RAP1GAP2: variants seen among roughly 807,000 people sequenced by gnomAD.
The protein encoded by RAP1GAP2 is rap1 GTPase-activating protein 2.
Under a neutral mutation model 95.0 loss-of-function variants are expected in RAP1GAP2, and 27 were observed. That is an observed-to-expected ratio of 0.28 (90% CI 0.21 to 0.39). The LOEUF (loss-of-function observed/expected upper bound fraction) is 0.39, where lower values mean the gene tolerates loss of function less well. Among genes scored for constraint, RAP1GAP2 ranks in the 10% least tolerant of loss-of-function variants. RAP1GAP2 has a pLI of 1.00. For synonymous variants in RAP1GAP2, 373 were observed against 380.9 expected (o/e 0.98, Z 0.24); for missense variants, 771 against 970.0 (o/e 0.79, Z 2.72).
chr17:2,999,308 T>C (rs1368154095), intron 14 of RAP1GAP2, among the ~76,000 whole-genome samples: 3 of 152,102 alleles, frequency 2.0e-5, no homozygotes, highest in African/African-American at 7.2e-5. Context: ...CTCAAGGGCG[T>C]TGGACTGAGG....
chr17:3,026,938 C>A lies in RAP1GAP2; in HGVS notation c.1981-6C>A. ...CTGGCCTCGCTCACCCTGCCTCTCT[C>A]CTCAGGGCAGCCAGCCGTCCACGAC... On this transcript the variant is annotated splice_region_variant and splice_polypyrimidine_tract_variant and intron_variant, in intron 21 of 24. Coordinates refer to ENST00000254695, the MANE Select transcript of RAP1GAP2 (RefSeq NM_015085.5). 1 of 1,550,790 alleles carries A rather than the reference C, an allele frequency of 6.4e-7. No homozygotes were observed.
intron 17 of RAP1GAP2, among the ~76,000 whole-genome samples, chr17:3,016,449 T>C (rs748180939): frequency 3.5e-4 from 54 of 152,224 alleles, no homozygotes; most frequent in Non-Finnish European, 2.5e-4. Context: ...GAACAACAGA[T>C]AATATTCGTG....
chr17:2,866,583 T>C lies in RAP1GAP2; in HGVS notation c.81-38701T>C, dbSNP rs148068810. ...CCCAAATGTCCCTTCTGATTGGTAA[T>C]TTATTTTATTTATTTATTTTATTTT... On this transcript the variant is annotated intron_variant, in intron 2 of 24. Coordinates refer to ENST00000254695, the MANE Select transcript of RAP1GAP2 (RefSeq NM_015085.5). The surrounding 1 kb of genome is among the most constrained non-coding windows in gnomAD (Gnocchi z 4.0). Among the ~76,000 whole-genome samples the C allele has an allele frequency of 9.8e-3, 1,486 of 152,262 alleles. 23 individuals carry two copies. Among genetic ancestry groups the C allele is most frequent in the African/African-American group, 0.033 (1,367 of 41,564 alleles).
intron 2 of RAP1GAP2, among the ~76,000 whole-genome samples, chr17:2,831,647 G>C (rs767735599): frequency 6.6e-6 from 1 of 151,578 alleles, no homozygotes; most frequent in Non-Finnish European, 1.5e-5. Flanking sequence ...TCCCAGGACC[G>C]TAGGAGGCCA....
intron 1 of RAP1GAP2, among the ~76,000 whole-genome samples, chr17:2,756,336 G>A (rs1204008597): frequency 6.6e-6 from 1 of 152,242 alleles, no homozygotes; most frequent in Non-Finnish European, 1.5e-5. Flanking sequence ...CGTGTAGCGG[G>A]GCAGTCGCCC....
chr17:2,763,536 A>C (rs2068223199), intron 1 of RAP1GAP2, among the ~76,000 whole-genome samples: 1 of 151,962 alleles, frequency 6.6e-6, no homozygotes, highest in Non-Finnish European at 1.5e-5. Context: ...TCTCTACTAA[A>C]AATGCACAAA....
At position 3,005,905 on chromosome 17, in the gene RAP1GAP2, C is replaced by T. The variant is rs747483683; in HGVS notation, c.1273-50C>T. The T allele has an allele frequency of 1.2e-4, 184 of 1,550,710 alleles. No individual in the cohort carries two copies. The highest frequency in any genetic ancestry group is 1.6e-4 in the Non-Finnish European group (179 of 1,122,520). ...GCCTGTCACTGTGGCTGAAGACCTT[C>T]TGGCAACAGCCGAGAGTGACAGACC... On this transcript the variant is annotated intron_variant, in intron 15 of 24. Coordinates refer to ENST00000254695, the MANE Select transcript of RAP1GAP2 (RefSeq NM_015085.5). The surrounding 1 kb of genome is among the most constrained non-coding windows in gnomAD (Gnocchi z 5.2).
At chr17:2,975,831 C>A (rs961740241) in intron 8 of RAP1GAP2, among the ~76,000 whole-genome samples, 1 of 152,220 alleles carries the variant, frequency 6.6e-6, no homozygotes, top group African/African-American at 2.4e-5. Context: ...CACACTAAGC[C>A]GTGTGCTCCC....
chr17:2,969,183 A>C (rs62091995), intron 8 of RAP1GAP2, among the ~76,000 whole-genome samples: 86 of 73,208 alleles, frequency 1.2e-3, no homozygotes, highest in South Asian at 2.8e-3. Context: ...ATCTATCTAT[A>C]TATATATATA....
At chr17:2,984,914 C>T in intron 10 of RAP1GAP2, 69 bp from the exon 11 acceptor site, 2 of 1,589,302 alleles carry the variant, frequency 1.3e-6, no homozygotes, top group Non-Finnish European at 8.6e-7. Flanking sequence ...GCTTCCCCTG[C>T]CATGTGCTTC....
chr17:2,980,926 G>A (rs568613141), intron 9 of RAP1GAP2, among the ~76,000 whole-genome samples: 1 of 152,312 alleles, frequency 6.6e-6, no homozygotes, highest in Admixed American at 6.5e-5. Context: ...TGGCAGTTGT[G>A]GGCTGGATAG....
In RAP1GAP2 at chr17:3,009,294, A is replaced by G. The variant is rs141834908; in HGVS notation, c.1494+1149A>G. Among the ~76,000 whole-genome samples, 3 of 152,362 alleles carry G rather than the reference A, an allele frequency of 2.0e-5. No individual in the cohort carries two copies. The East Asian group carries it at 5.8e-4, about 29-fold the overall frequency. On this transcript the variant is annotated intron_variant, in intron 17 of 24. Transcript: ENST00000254695. ...AAATGTCAGCTGTTATTACAGTTGT[A>G]TAAAGTGAAAGCTTCACACACATTA... is the stretch of plus-strand genomic sequence containing the variant.
chr17:2,997,320 C>T (rs1480081367), intron 13 of RAP1GAP2, among the ~76,000 whole-genome samples: 2 of 152,200 alleles, frequency 1.3e-5, no homozygotes, highest in African/African-American at 4.8e-5. Flanking sequence ...GAAGCCCTCT[C>T]AGGTTGCTTT....
intron 2 of RAP1GAP2, among the ~76,000 whole-genome samples, chr17:2,801,210 C>T (rs1395288977): frequency 4.6e-5 from 7 of 151,334 alleles, no homozygotes; most frequent in Non-Finnish European, 1.0e-4. Context: ...CATGGTGGCT[C>T]ACACCTGTAA....
chr17:2,999,288 G>A (rs1184051453), intron 14 of RAP1GAP2, among the ~76,000 whole-genome samples: 1 of 152,222 alleles, frequency 6.6e-6, no homozygotes, highest in African/African-American at 2.4e-5. Context: ...GTGCTGTGGC[G>A]GGCATGGGAC....
intron 2 of RAP1GAP2, among the ~76,000 whole-genome samples, chr17:2,818,964 A>T (rs1221927699): frequency 3.3e-5 from 5 of 152,048 alleles, no homozygotes; most frequent in Non-Finnish European, 7.4e-5. Context: ...CAGACACAGG[A>T]TGGATATATT....
intron 2 of RAP1GAP2, among the ~76,000 whole-genome samples, chr17:2,862,769 G>T (rs890683672): frequency 2.0e-5 from 3 of 152,014 alleles, no homozygotes; most frequent in African/African-American, 7.2e-5. Flanking sequence ...AGGCCAAGGC[G>T]GGCGGATCAC....
intron 3 of RAP1GAP2, among the ~76,000 whole-genome samples, chr17:2,915,688 T>C (rs1189807358): frequency 2.6e-5 from 4 of 152,124 alleles, no homozygotes; most frequent in Non-Finnish European, 5.9e-5. Flanking sequence ...TGTATTCTTT[T>C]AGAAGCTTTA....
chr17:2,957,897 G>A (rs1052999479), intron 4 of RAP1GAP2, 103 bp downstream of exon 4: 39 of 1,240,072 alleles, frequency 3.1e-5, no homozygotes, highest in Non-Finnish European at 3.9e-5. Flanking sequence ...TGCCCTGGAC[G>A]GGGGTGCAGA....
Sources: allele counts gnomAD v4.1 joint callset (sites outside exome capture counted in the v4.1 genomes callset), GRCh38; gene constraint gnomAD v4.1.1; non-coding constraint Gnocchi (gnomAD v3.1); transcripts MANE v1.5; gene names NCBI Gene and HGNC (gene_info 2026-07-23, HGNC 2026-07-21).